The following TTC39C variants were observed in gnomAD, a reference collection of about 807,000 sequenced individuals.
TTC39C encodes tetratricopeptide repeat domain 39C.
A neutral mutation model predicts 76.3 loss-of-function variants in TTC39C; 33 were observed. The ratio of observed to expected loss-of-function variants is 0.43; its 90% CI spans 0.33 to 0.58. The LOEUF (loss-of-function observed/expected upper bound fraction) is 0.58. TTC39C is among the 20% of genes least tolerant of loss of function. TTC39C has a pLI of 0.04. For synonymous variants in TTC39C, 254 were observed against 260.6 expected (o/e 0.97, Z 0.24); for missense variants, 595 against 701.4 (o/e 0.85, Z 1.71).
rs577569763 is a variant in TTC39C at position 24,055,133 on chromosome 18, C to T, written c.168-9007C>T. Among the ~76,000 whole-genome samples the T allele has an allele frequency of 1.1e-3, 166 of 152,184 alleles. 1 individual carries two copies. The highest frequency in any genetic ancestry group is 3.5e-3 in the African/African-American group (147 of 41,526). On this transcript the variant is annotated intron_variant, in intron 1 of 13. Transcript: ENST00000317571. ...GTATGTATATCACATTTTGTTTATC[C>T]ATTCATCTGTCTATGGGCACTTGAG...
intron 6 of TTC39C, among the ~76,000 whole-genome samples, chr18:24,101,321 A>AAAAC (rs958585456): frequency 6.6e-6 from 1 of 151,608 alleles, no homozygotes; most frequent in Non-Finnish European, 1.5e-5. Flanking sequence ...AAAAAAAAAA[A>AAAAC]AACTGGCTGG....
At chr18:24,028,827 A>G (rs990752601) in intron 1 of TTC39C, among the ~76,000 whole-genome samples, 1 of 151,058 alleles carries the variant, frequency 6.6e-6, no homozygotes, top group Admixed American at 6.6e-5. Context: ...GGTTCAAGCA[A>G]TTCTCCTGTT....
At chr18:24,070,619 C>T (rs769699431) in intron 4 of TTC39C, among the ~76,000 whole-genome samples, 7 of 152,064 alleles carry the variant, frequency 4.6e-5, no homozygotes, top group Non-Finnish European at 5.9e-5. Context: ...CTTAAGCAGG[C>T]GGATCACTTG....
chr18:24,050,211 C>T (rs922280343), intron 1 of TTC39C, among the ~76,000 whole-genome samples: 1 of 152,148 alleles, frequency 6.6e-6, no homozygotes, highest in Non-Finnish European at 1.5e-5. Flanking sequence ...CTTAAAACTC[C>T]TAGGTTCTAA....
chr18:24,078,110 A>AT (rs1361083051), intron 4 of TTC39C, among the ~76,000 whole-genome samples: 9 of 152,206 alleles, frequency 5.9e-5, no homozygotes, highest in African/African-American at 2.2e-4. Flanking sequence ...TACTTTTATT[A>AT]TTTTAAAGTT....
chr18:24,029,768 C>A (rs2083645470), intron 1 of TTC39C, among the ~76,000 whole-genome samples: 1 of 152,182 alleles, frequency 6.6e-6, no homozygotes, highest in Non-Finnish European at 1.5e-5. Context: ...GTTTTCCATT[C>A]CTGAGTCACT....
chr18:24,045,899 A>ATATATATGTATATGTATATG (rs1769240838), intron 1 of TTC39C, among the ~76,000 whole-genome samples: 1 of 38,768 alleles, frequency 2.6e-5, no homozygotes, highest in African/African-American at 1.4e-4. Flanking sequence ...GAAAATATAT[A>ATATATATGTATATGTATATG]TATATATATA....
rs577108524 is a variant in TTC39C at position 24,126,792 on chromosome 18, C to T, written c.1420+1242C>T. ...TCTCCTGAGTAGCTGGGATTACAGGCGTGTGCTACTGCACCTGGCTACTGT... is the reference window on the plus strand; with the variant it reads ...TCTCCTGAGTAGCTGGGATTACAGGTGTGTGCTACTGCACCTGGCTACTGT... On this transcript the variant is annotated intron_variant, in intron 10 of 13. Coordinates refer to ENST00000317571, the MANE Select transcript of TTC39C (RefSeq NM_001135993.2). 3.6e-3 allele frequency among the ~76,000 whole-genome samples: 545 copies of T among 152,080 alleles called. 11 individuals are homozygous for T. Among genetic ancestry groups the T allele is most frequent in the Non-Finnish European group, 2.5e-3 (169 of 67,980 alleles).
At chr18:24,024,807 G>A (rs183854365) in intron 1 of TTC39C, among the ~76,000 whole-genome samples, 202 of 152,298 alleles carry the variant, frequency 1.3e-3, no homozygotes, top group African/African-American at 4.6e-3. Flanking sequence ...CGACTCCTGA[G>A]GACAGTTTCA....
intron 3 of TTC39C, among the ~76,000 whole-genome samples, chr18:24,067,107 G>C (rs2084176064): frequency 6.6e-6 from 1 of 152,166 alleles, no homozygotes; most frequent in Non-Finnish European, 1.5e-5. Context: ...TATTTCTTCT[G>C]TCATTGTGAT....
chr18:24,098,939 T>G (rs1238666269), intron 6 of TTC39C, among the ~76,000 whole-genome samples: 1 of 151,972 alleles, frequency 6.6e-6, no homozygotes, highest in Non-Finnish European at 1.5e-5. Context: ...GCCCAGGCTT[T>G]CTTTTTTTAA....
intron 1 of TTC39C, among the ~76,000 whole-genome samples, chr18:23,998,202 A>G (rs1050868222): frequency 6.6e-6 from 1 of 152,242 alleles, no homozygotes; most frequent in Non-Finnish European, 1.5e-5. Flanking sequence ...CATTTGCCCA[A>G]TATCATAGGA....
intron 10 of TTC39C, among the ~76,000 whole-genome samples, chr18:24,126,580 A>G (rs951507414): frequency 2.6e-5 from 4 of 152,126 alleles, no homozygotes; most frequent in East Asian, 1.9e-4. Context: ...AACCCTCCCA[A>G]GGAGGAACTA....
intron 1 of TTC39C, chr18:24,015,451 G>A (rs1014267108): frequency 5.4e-5 from 9 of 166,424 alleles, no homozygotes; most frequent in Admixed American, 4.5e-4. Flanking sequence ...GTGCTGCCCC[G>A]GCAGCCTTTG....
chr18:24,109,508 G>GA (rs1234637142), intron 6 of TTC39C, among the ~76,000 whole-genome samples: 2 of 151,968 alleles, frequency 1.3e-5, no homozygotes, highest in African/African-American at 2.4e-5. Context: ...TGGCCATTAA[G>GA]AAAAAAATTT....
chr18:24,067,511 C>T (rs1005308482), intron 3 of TTC39C, among the ~76,000 whole-genome samples: 1 of 152,162 alleles, frequency 6.6e-6, no homozygotes. Flanking sequence ...ACCTGAGCTT[C>T]GCCTCCTGTC....
chr18:24,130,868 A>G (rs968469980), intron 12 of TTC39C, among the ~76,000 whole-genome samples: 3 of 152,010 alleles, frequency 2.0e-5, no homozygotes, highest in East Asian at 1.9e-4. Context: ...TAGAAAAAGT[A>G]TAGTAAAAAT....
At chr18:24,124,882 C>T (rs1345575593) in intron 9 of TTC39C, among the ~76,000 whole-genome samples, 1 of 152,106 alleles carries the variant, frequency 6.6e-6, no homozygotes, top group Non-Finnish European at 1.5e-5. Flanking sequence ...TCAGAATATA[C>T]ACTGCGTCTT....
chr18:24,113,825 G>GT (rs1241666426), intron 6 of TTC39C: 1 of 639,026 alleles, frequency 1.6e-6, no homozygotes, highest in East Asian at 2.8e-5. Context: ...TTCACTGGGA[G>GT]TAAGTAGAGC....
Sources: allele counts gnomAD v4.1 joint callset (sites outside exome capture counted in the v4.1 genomes callset), GRCh38; gene constraint gnomAD v4.1.1; transcripts MANE v1.5; gene names NCBI Gene and HGNC (gene_info 2026-07-23, HGNC 2026-07-21).